SYCP2L: variants seen among roughly 807,000 people sequenced by gnomAD.
SYCP2L encodes the protein synaptonemal complex protein 2-like.
A neutral mutation model predicts 125.8 loss-of-function variants in SYCP2L; 98 were observed. The observed-to-expected ratio is 0.78, with a 90% CI of 0.66 to 0.92. SYCP2L has a LOEUF of 0.92. SYCP2L is among the 40% of genes least tolerant of loss of function. The pLI is 0.00. For synonymous variants in SYCP2L, 317 were observed against 325.4 expected (o/e 0.97, Z 0.28); for missense variants, 842 against 936.4 (o/e 0.90, Z 1.32).
intron 8 of SYCP2L, among the ~76,000 whole-genome samples, chr6:10,905,177 G>A (rs1273786267): frequency 4.3e-5 from 6 of 139,228 alleles, no homozygotes; most frequent in African/African-American, 1.0e-4. Context: ...GAAGAAGATC[G>A]ACTCACACTT....
intron 6 of SYCP2L, 116 bp downstream of exon 6, chr6:10,898,964 A>G (rs1780331368): frequency 2.8e-6 from 2 of 707,332 alleles, no homozygotes; most frequent in African/African-American, 3.6e-5. Context: ...TTTTATTTGG[A>G]TTTATTGACC....
Position 10,906,848 on chromosome 6 carries a change from C to A in SYCP2L, c.677-694C>A, listed in dbSNP as rs2113310599. Among the ~76,000 whole-genome samples, 2 of 152,140 alleles carry A rather than the reference C, an allele frequency of 1.3e-5. 1 individual carries two copies. Among genetic ancestry groups the A allele is most frequent in the South Asian group, 4.2e-4 (2 of 4,812 alleles). ...TCCTGACCTCCGGTGATCCTCCTGCCTCGGCCTCCCAAAGTGCTGGGATTA... is the reference window on the plus strand; with the variant it reads ...TCCTGACCTCCGGTGATCCTCCTGCATCGGCCTCCCAAAGTGCTGGGATTA... On this transcript the variant is annotated intron_variant, in intron 9 of 29. Transcript: ENST00000283141.
rs185117491 is a variant in SYCP2L, at chr6:10,965,033, G to T, written c.*37+1190G>T. ...GAGGAGTTTGAATTTTATACTAAGG[G>T]TTAGAGAAAATATATGTGGTTTTTG... On this transcript the variant is annotated intron_variant, in intron 29 of 29. Transcript: ENST00000283141. 9.2e-3 allele frequency among the ~76,000 whole-genome samples: 1,393 copies of T among 152,144 alleles called. 14 individuals carry two copies. The highest frequency in any genetic ancestry group is 0.03 in the South Asian group (145 of 4,816).
intron 8 of SYCP2L, among the ~76,000 whole-genome samples, chr6:10,903,365 A>G (rs189192029): frequency 7.1e-4 from 108 of 152,206 alleles, no homozygotes; most frequent in South Asian, 4.6e-3. Context: ...TGGCTAACAC[A>G]GTGAAACCCT....
chr6:10,934,510 C>T (rs544476782), intron 20 of SYCP2L, among the ~76,000 whole-genome samples: 1 of 152,338 alleles, frequency 6.6e-6, no homozygotes, highest in South Asian at 2.1e-4. Flanking sequence ...GAAACCCCAT[C>T]TCTAATAAAA....
chr6:10,959,675 G>C (rs895363049), intron 26 of SYCP2L, among the ~76,000 whole-genome samples: 1 of 151,904 alleles, frequency 6.6e-6, no homozygotes, highest in African/African-American at 2.4e-5. Flanking sequence ...TTCGAGACCA[G>C]CCTGACCAAC....
chr6:10,914,721 G>C (rs1780661059), intron 14 of SYCP2L, among the ~76,000 whole-genome samples: 1 of 147,028 alleles, frequency 6.8e-6, no homozygotes, highest in Non-Finnish European at 1.5e-5. Flanking sequence ...CACCTCCTTG[G>C]TTAGGTATAT....
In SYCP2L at chr6:10,909,116, ATTT is replaced by A. The variant is rs67767345; in HGVS notation, c.820-1009_820-1007del. ...CCAGAGCTATCAACTTCTCAATTGA[ATTT>A]TTTTTTTTTTTTTTTTTTTTTTGAG... On this transcript the variant is annotated intron_variant, in intron 10 of 29. Transcript: ENST00000283141. Among the ~76,000 whole-genome samples the A allele has an allele frequency of 3.9e-3, 373 of 94,880 alleles. 1 individual carries two copies. The highest frequency in any genetic ancestry group is 0.016 in the African/African-American group (334 of 20,842). The allele number at this position is 94,880 out of a possible 152,430, so 62.2% of individuals were successfully genotyped here.
chr6:10,893,783 T>C, intron 2 of SYCP2L, 84 bp from the exon 3 acceptor site: 1 of 1,410,944 alleles, frequency 7.1e-7, no homozygotes, highest in Non-Finnish European at 9.7e-7. Flanking sequence ...ACTGAATTCT[T>C]ATTGATAATG....
chr6:10,968,020 C>G (rs1781709286), intron 29 of SYCP2L, among the ~76,000 whole-genome samples: 1 of 152,130 alleles, frequency 6.6e-6, no homozygotes, highest in Admixed American at 6.5e-5. Context: ...GAGTGATGCA[C>G]TTTGTCTGAC....
intron 21 of SYCP2L, among the ~76,000 whole-genome samples, chr6:10,936,232 C>G (rs1478945725): frequency 6.6e-6 from 1 of 151,054 alleles, no homozygotes; most frequent in Admixed American, 6.6e-5. Flanking sequence ...CGCAGTGGCT[C>G]CCTCCTGTAA....
At chr6:10,932,617 A>G (rs932770214) in intron 20 of SYCP2L, among the ~76,000 whole-genome samples, 1 of 152,228 alleles carries the variant, frequency 6.6e-6, no homozygotes, top group Non-Finnish European at 1.5e-5. Context: ...GGTTAAACCT[A>G]TGAGCCAGAG....
chr6:10,946,692 G>A (rs1781319329), intron 23 of SYCP2L, among the ~76,000 whole-genome samples: 1 of 151,890 alleles, frequency 6.6e-6, no homozygotes, highest in Non-Finnish European at 1.5e-5. Context: ...AAATTTAGCT[G>A]TCAATCTACC....
chr6:10,953,696 G>C (rs1018754785), intron 23 of SYCP2L, among the ~76,000 whole-genome samples: 3 of 152,218 alleles, frequency 2.0e-5, no homozygotes, highest in African/African-American at 7.2e-5. Flanking sequence ...GTAGGTGTCA[G>C]GGATATGGTA....
At chr6:10,925,198 G>A (rs1222014107) in intron 15 of SYCP2L, among the ~76,000 whole-genome samples, 2 of 152,134 alleles carry the variant, frequency 1.3e-5, no homozygotes, top group Admixed American at 6.5e-5. Context: ...AAAACCATCA[G>A]ATCTTGTGAG....
At chr6:10,938,293 G>T (rs1035074494) in intron 21 of SYCP2L, among the ~76,000 whole-genome samples, 1 of 152,102 alleles carries the variant, frequency 6.6e-6, no homozygotes, top group Non-Finnish European at 1.5e-5. Flanking sequence ...CACATTAAGA[G>T]AATGAAGGTT....
At chr6:10,934,994 C>A (rs983262172) in intron 20 of SYCP2L, 64 bp from the exon 21 acceptor site, 1 of 1,390,702 alleles carries the variant, frequency 7.2e-7, no homozygotes, top group East Asian at 2.5e-5. Flanking sequence ...AAATGTCTTA[C>A]AATATTTTGA....
chr6:10,961,420 G>A lies in SYCP2L; in HGVS notation c.2355+16G>A, dbSNP rs574433522. On this transcript the variant is annotated intron_variant, in intron 27 of 29. Transcript: ENST00000283141. ...GGAGGTTCTGGTAAGTTCTTTTTGT[G>A]TGGAACATTTTCTGACTTCGGATCT... 10 of 1,613,858 alleles carry A rather than the reference G, an allele frequency of 6.2e-6. No individual in the cohort carries two copies. In the South Asian group the frequency reaches 6.6e-5, roughly 11 times the overall value.
intron 25 of SYCP2L, among the ~76,000 whole-genome samples, chr6:10,958,094 TAC>T (rs1380027731): frequency 6.6e-6 from 1 of 152,256 alleles, no homozygotes; most frequent in Admixed American, 6.5e-5. Flanking sequence ...TTTTCTGTGA[TAC>T]CAATGTAAGC....
Sources: allele counts gnomAD v4.1 joint callset (sites outside exome capture counted in the v4.1 genomes callset), GRCh38; gene constraint gnomAD v4.1.1; transcripts MANE v1.5; gene names NCBI Gene and HGNC (gene_info 2026-07-23, HGNC 2026-07-21).